EYS: variants seen among roughly 807,000 people sequenced by gnomAD.
EYS encodes EGF-like photoreceptor maintenance factor.
In EYS, 250 loss-of-function variants were observed where a neutral mutation model predicts 282.1. That is an observed-to-expected ratio of 0.89 (90% CI 0.80 to 0.98). The LOEUF (loss-of-function observed/expected upper bound fraction) is 0.98, where lower values mean the gene tolerates loss of function less well. EYS is among the 50% of genes least tolerant of loss of function. The pLI is 0.00. For synonymous variants in EYS, 1,355 were observed against 1,282.9 expected, an observed-to-expected ratio of 1.06 and a Z score of -1.20; for missense variants, 4,016 against 3,709.0, an observed-to-expected ratio of 1.08 and a Z score of -2.15.
intron 29 of EYS, among the ~76,000 whole-genome samples, chr6:64,309,966 A>G (rs1239773160): frequency 4.6e-5 from 7 of 151,980 alleles, no homozygotes; most frequent in African/African-American, 1.7e-4. Flanking sequence ...TCCATGAAAA[A>G]AAAAAAAAAA....
At chr6:63,950,891 T>C (rs138957552) in intron 35 of EYS, among the ~76,000 whole-genome samples, 1 of 152,202 alleles carries the variant, frequency 6.6e-6, no homozygotes, top group Non-Finnish European at 1.5e-5. Flanking sequence ...GTTTTATCCG[T>C]GAACCCAAAA....
chr6:65,217,138 G>T (rs1205836233), intron 12 of EYS, among the ~76,000 whole-genome samples: 2 of 152,020 alleles, frequency 1.3e-5, no homozygotes, highest in African/African-American at 4.8e-5. Flanking sequence ...AATACTAAAT[G>T]ATCTGGTGGT....
intron 2 of EYS, among the ~76,000 whole-genome samples, chr6:65,567,218 T>C (rs531499255): frequency 6.6e-6 from 1 of 151,218 alleles, no homozygotes; most frequent in Non-Finnish European, 1.5e-5. Context: ...ATGCCCACTC[T>C]TCAGAACTGT....
chr6:65,136,438 T>A (rs1019384976), intron 12 of EYS, among the ~76,000 whole-genome samples: 4 of 152,062 alleles, frequency 2.6e-5, no homozygotes, highest in African/African-American at 9.7e-5. Context: ...TAGGACTATC[T>A]GAGCTACTTC....
At chr6:65,066,488 G>A (rs62407183) in intron 12 of EYS, among the ~76,000 whole-genome samples, 4,609 of 152,194 alleles carry the variant, frequency 0.03, 110 homozygotes, top group Middle Eastern at 0.065. Context: ...GTATAATGAA[G>A]CAGGAGCTTA....
intron 12 of EYS, among the ~76,000 whole-genome samples, chr6:65,071,749 C>T (rs1254368532): frequency 6.6e-6 from 1 of 151,758 alleles, no homozygotes; most frequent in Non-Finnish European, 1.5e-5. Context: ...CATAGTAAAT[C>T]AACTTGAGAA....
At chr6:65,266,989 T>TATATATATATAG (rs144200033) in intron 12 of EYS, among the ~76,000 whole-genome samples, 23 of 142,126 alleles carry the variant, frequency 1.6e-4, no homozygotes, top group African/African-American at 5.5e-4. Context: ...TATATATATA[T>TATATATATATAG]AGAGAGAGAG....
chr6:65,243,020 C>T (rs1262784157), intron 12 of EYS, among the ~76,000 whole-genome samples: 1 of 151,684 alleles, frequency 6.6e-6, no homozygotes, highest in Non-Finnish European at 1.5e-5. Flanking sequence ...CTAAAAGTAC[C>T]TTACCAGATA....
intron 15 of EYS, among the ~76,000 whole-genome samples, chr6:64,927,598 A>G (rs1768559413): frequency 6.6e-6 from 1 of 152,156 alleles, no homozygotes; most frequent in African/African-American, 2.4e-5. Flanking sequence ...GTTACAGGTG[A>G]CAATAAAAAA....
chr6:64,616,777 A>C (rs1767287112), intron 24 of EYS, among the ~76,000 whole-genome samples: 1 of 152,084 alleles, frequency 6.6e-6, no homozygotes, highest in Admixed American at 6.6e-5. Flanking sequence ...TTTAGCCTTA[A>C]TTTCAGTGAA....
intron 22 of EYS, among the ~76,000 whole-genome samples, chr6:64,727,224 A>G (rs888188975): frequency 6.6e-6 from 1 of 152,208 alleles, no homozygotes; most frequent in African/African-American, 2.4e-5. Flanking sequence ...GACATATTAA[A>G]TTCTTAAAGT....
chr6:65,267,161 C>A (rs889241558), intron 12 of EYS, among the ~76,000 whole-genome samples: 2 of 151,666 alleles, frequency 1.3e-5, no homozygotes, highest in Non-Finnish European at 2.9e-5. Context: ...AATACGGACT[C>A]CTGGTGCTTT....
At chr6:64,042,508 C>T (rs2149838152) in intron 33 of EYS, among the ~76,000 whole-genome samples, 2 of 152,312 alleles carry the variant, frequency 1.3e-5, no homozygotes, top group East Asian at 3.9e-4. Flanking sequence ...TGTTTCTCCA[C>T]TGTGTTCGGA....
chr6:65,379,552 G>C (rs534707476), intron 8 of EYS, among the ~76,000 whole-genome samples: 3 of 151,872 alleles, frequency 2.0e-5, no homozygotes, highest in Admixed American at 2.0e-4. Context: ...TTTGAAAACC[G>C]ACACAAGACA....
intron 35 of EYS, among the ~76,000 whole-genome samples, chr6:63,921,007 C>T (rs561419823): frequency 6.6e-6 from 1 of 152,280 alleles, no homozygotes; most frequent in African/African-American, 2.4e-5. Flanking sequence ...ATTCTCCTGC[C>T]TCAGCGTCCT....
chr6:65,085,965 G>A lies in EYS; in HGVS notation c.2024-28238C>T, dbSNP rs9363333. On this transcript the variant is annotated intron_variant, in intron 12 of 42. Transcript: ENST00000503581. Reference sequence around the variant, plus strand: ...CAAAATTAATCTCTCCCTTCTCTACGTCTATAAAAACATTTTTTTGTCTTC... The same window carrying A: ...CAAAATTAATCTCTCCCTTCTCTACATCTATAAAAACATTTTTTTGTCTTC... Among the ~76,000 whole-genome samples the A allele has an allele frequency of 9.4e-5, 14 of 148,756 alleles. No homozygotes were observed. The East Asian group carries it at 2.2e-3, about 23-fold the overall frequency.
At chr6:64,654,835 T>C (rs1197339145) in intron 22 of EYS, among the ~76,000 whole-genome samples, 2 of 152,218 alleles carry the variant, frequency 1.3e-5, no homozygotes, top group South Asian at 4.1e-4. Context: ...TAACAAGCTA[T>C]GAAAAGTCAC....
In EYS at chr6:64,507,714, G is replaced by T. The variant is rs142919774; in HGVS notation, c.5645-68362C>A. Among the ~76,000 whole-genome samples the T allele has an allele frequency of 4.0e-3, 600 of 151,404 alleles. 3 individuals carry two copies. Among genetic ancestry groups the T allele is most frequent in the African/African-American group, 0.014 (568 of 41,308 alleles). ...AAAAACAAATATTTGGAAACTTGGAGGGAGGAAGAGATCCCACTCTTTCTT... is the reference window on the plus strand; with the variant it reads ...AAAAACAAATATTTGGAAACTTGGATGGAGGAAGAGATCCCACTCTTTCTT... On this transcript the variant is annotated intron_variant, in intron 26 of 42. Coordinates refer to ENST00000503581, the MANE Select transcript of EYS (RefSeq NM_001142800.2).
At chr6:64,450,527 C>G (rs1404477573) in intron 26 of EYS, among the ~76,000 whole-genome samples, 1 of 152,162 alleles carries the variant, frequency 6.6e-6, no homozygotes, top group Non-Finnish European at 1.5e-5. Context: ...ATTTACAGAA[C>G]TCTCCACCCC....
Sources: allele counts gnomAD v4.1 joint callset (sites outside exome capture counted in the v4.1 genomes callset), GRCh38; gene constraint gnomAD v4.1.1; transcripts MANE v1.5; gene names NCBI Gene and HGNC (gene_info 2026-07-23, HGNC 2026-07-21).